The following LOXHD1 variants were observed in gnomAD, a reference collection of about 807,000 sequenced individuals.
LOXHD1 encodes the protein lipoxygenase homology domain-containing protein 1.
In LOXHD1, 205 loss-of-function variants were observed where a neutral mutation model predicts 248.2. That is an observed-to-expected ratio of 0.83 (90% CI 0.74 to 0.93). LOXHD1 has a LOEUF of 0.93. Ranked by LOEUF, LOXHD1 falls within the 40% of genes least tolerant of loss-of-function variation. The pLI, the probability that LOXHD1 is intolerant of heterozygous loss-of-function variation, is 0.00. For synonymous variants in LOXHD1, 1,113 were observed against 1,162.8 expected (o/e 0.96, Z 0.87); for missense variants, 2,930 against 2,971.6 (o/e 0.99, Z 0.33).
rs909780241 is a variant in LOXHD1, at chr18:46,640,321, C to A, written c.327-521G>T. On this transcript the variant is annotated intron_variant, in intron 3 of 40. Coordinates refer to ENST00000642948, the MANE Select transcript of LOXHD1 (RefSeq NM_001384474.1). ...ACACAGCTTATACCCTGGGGCTCAACCGCCTCTCCCATTGCTGTGAGATGA... is the reference window on the plus strand; with the variant it reads ...ACACAGCTTATACCCTGGGGCTCAAACGCCTCTCCCATTGCTGTGAGATGA... 2.0e-5 allele frequency among the ~76,000 whole-genome samples: 3 copies of A among 152,282 alleles called. No homozygotes were observed. The East Asian group carries it at 5.8e-4, about 29-fold the overall frequency.
At chr18:46,509,968 T>C (rs2034858162) in intron 34 of LOXHD1, among the ~76,000 whole-genome samples, 153 bp from the exon 35 acceptor site, 1 of 152,168 alleles carries the variant, frequency 6.6e-6, no homozygotes, top group South Asian at 2.1e-4. Context: ...CCAGCCCATC[T>C]CTTGCATCCC....
chr18:46,549,245 T>C (rs2036980564), intron 21 of LOXHD1, among the ~76,000 whole-genome samples: 1 of 152,158 alleles, frequency 6.6e-6, no homozygotes, highest in African/African-American at 2.4e-5. Context: ...ACAAGGATGA[T>C]GGAAGGAAAG....
chr18:46,559,307 G>T, intron 20 of LOXHD1, 141 bp downstream of exon 20: 1 of 1,545,192 alleles, frequency 6.5e-7, no homozygotes, highest in East Asian at 2.5e-5. Flanking sequence ...TTACTGAAGA[G>T]GTACTGCCAT....
chr18:46,483,681 CCA>C lies in LOXHD1; in HGVS notation c.6245_6246del (p.Val2082GlyfsTer36). On this transcript the variant is annotated frameshift_variant, in exon 40 of 41. Transcript: ENST00000642948. LOFTEE classifies it high-confidence loss of function. ...IYLGDIASLC[V>X]GHLAREDRFI... ...AACCGGTCTTCCCTGGCAAGGTGGC[CCA>C]CACAGAGGGAGGCAATGTCCCCCAA... 6.4e-7 allele frequency: 1 copy of C among 1,551,678 alleles called. No individual in the cohort carries two copies. The highest frequency in any genetic ancestry group is 1.2e-5 in the South Asian group (1 of 84,046).
At chr18:46,498,643 T>C (rs113378047) in intron 37 of LOXHD1, among the ~76,000 whole-genome samples, 132 of 152,338 alleles carry the variant, frequency 8.7e-4, no homozygotes, top group African/African-American at 3.2e-3. Flanking sequence ...TACCTCCATC[T>C]TCACATGCTC....
At chr18:46,634,543 T>C (rs1199076404) in intron 4 of LOXHD1, among the ~76,000 whole-genome samples, 6 of 152,218 alleles carry the variant, frequency 3.9e-5, no homozygotes, top group Non-Finnish European at 8.8e-5. Flanking sequence ...GATAAAATTA[T>C]CTTTGGGCTA....
chr18:46,579,570 G>A, intron 13 of LOXHD1, 60 bp downstream of exon 13: 1 of 1,548,054 alleles, frequency 6.5e-7, no homozygotes, highest in South Asian at 1.2e-5. Context: ...GGGAAGACGA[G>A]GGAACATGGG....
At chr18:46,545,532 C>G (rs549308522) in intron 22 of LOXHD1, 111 bp from the exon 23 acceptor site, 5 of 747,288 alleles carry the variant, frequency 6.7e-6, no homozygotes, top group Non-Finnish European at 1.2e-5. Flanking sequence ...CTCCCTCTAC[C>G]CCATCACTCC....
chr18:46,520,123 G>A (rs779604638), intron 33 of LOXHD1, among the ~76,000 whole-genome samples: 1 of 152,176 alleles, frequency 6.6e-6, no homozygotes, highest in African/African-American at 2.4e-5. Flanking sequence ...GATGTCTGGG[G>A]GGTAGGGGAA....
intron 28 of LOXHD1, among the ~76,000 whole-genome samples, chr18:46,530,803 G>A (rs947836900): frequency 3.9e-5 from 6 of 152,002 alleles, no homozygotes; most frequent in Non-Finnish European, 8.8e-5. Context: ...CTTCTGTGTG[G>A]CTGGACACTC....
Position 46,533,339 on chromosome 18 carries a change from A to G in LOXHD1, c.4213-15T>C, listed in dbSNP as rs1252448542. 9 of 1,550,932 alleles carry G rather than the reference A, an allele frequency of 5.8e-6. No homozygotes were observed. The highest frequency in any genetic ancestry group is 1.2e-5 in the South Asian group (1 of 83,984). Reference sequence around the variant, plus strand: ...GTCTCTGCACCCTGGGGTGAGGCAGAAAAAGGAAAATTAGCCCTTAATGTG... The same window carrying G: ...GTCTCTGCACCCTGGGGTGAGGCAGGAAAAGGAAAATTAGCCCTTAATGTG... On this transcript the variant is annotated splice_polypyrimidine_tract_variant and intron_variant, in intron 27 of 40. Transcript: ENST00000642948.
At chr18:46,582,514 A>T (rs2037982721) in intron 12 of LOXHD1, among the ~76,000 whole-genome samples, 1 of 152,270 alleles carries the variant, frequency 6.6e-6, no homozygotes, top group Non-Finnish European at 1.5e-5. Flanking sequence ...TGTATAAGAC[A>T]TATAAGTAGT....
In LOXHD1 at chr18:46,545,426, C is replaced by T. The variant is rs564553172; in HGVS notation, c.3515-5G>A. On this transcript the variant is annotated splice_region_variant and splice_polypyrimidine_tract_variant and intron_variant, in intron 22 of 40. Coordinates refer to ENST00000642948, the MANE Select transcript of LOXHD1 (RefSeq NM_001384474.1). ...CTGAGAATGTGGTAGATTTATCTGC[C>T]AAGAGAATAGTATAGAGCAATGAAT... 2 of 1,543,762 alleles carry T rather than the reference C, an allele frequency of 1.3e-6. 1 individual carries two copies. Among genetic ancestry groups the T allele is most frequent in the East Asian group, 4.9e-5 (2 of 40,834 alleles).
At chr18:46,629,629 T>C (rs2038792866) in intron 4 of LOXHD1, among the ~76,000 whole-genome samples, 1 of 151,956 alleles carries the variant, frequency 6.6e-6, no homozygotes, top group African/African-American at 2.4e-5. Context: ...ATAATCATTG[T>C]GTGGCACTGC....
In LOXHD1 at chr18:46,505,828, TG is replaced by T; in HGVS notation, c.5878+9del. On this transcript the variant is annotated intron_variant, in intron 37 of 40. Transcript: ENST00000642948. ...GCCCTCCCACCAACCTGGCCTTGAG[TG>T]GGAGCTACCTTTGTTGTCGTGCCAG... is the stretch of plus-strand genomic sequence containing the variant. 6.4e-7 allele frequency: 1 copy of T among 1,551,456 alleles called. No individual in the cohort carries two copies. The highest frequency in any genetic ancestry group is 8.7e-7 in the Non-Finnish European group (1 of 1,146,878).
chr18:46,484,360 G>A (rs2032858392), intron 39 of LOXHD1, among the ~76,000 whole-genome samples: 1 of 152,120 alleles, frequency 6.6e-6, no homozygotes, highest in South Asian at 2.1e-4. Flanking sequence ...TCTTTGAGAG[G>A]TGATGGGGTC....
intron 4 of LOXHD1, among the ~76,000 whole-genome samples, chr18:46,629,256 C>A (rs1420042216): frequency 2.0e-5 from 3 of 152,132 alleles, no homozygotes; most frequent in Non-Finnish European, 4.4e-5. Flanking sequence ...AAAGCCAGAA[C>A]CAGAACTCAG....
rs536362669 is a variant in LOXHD1, at chr18:46,570,691, G to A, written c.2048-1053C>T. Among the ~76,000 whole-genome samples the A allele has an allele frequency of 2.0e-5, 3 of 152,316 alleles. No individual in the cohort carries two copies. The South Asian group carries it at 6.2e-4, about 32-fold the overall frequency. ...GTTTCCCTGGGCCACACTGGAAGAA[G>A]AAGAATTGTCTTGGGCCACACAAAA... On this transcript the variant is annotated intron_variant, in intron 15 of 40. Coordinates refer to ENST00000642948, the MANE Select transcript of LOXHD1 (RefSeq NM_001384474.1).
chr18:46,490,782 A>G (rs1425499123), intron 37 of LOXHD1, among the ~76,000 whole-genome samples: 1 of 152,194 alleles, frequency 6.6e-6, no homozygotes, highest in African/African-American at 2.4e-5. Context: ...GCGGTAAGTT[A>G]TTTTAACAAT....
Sources: allele counts gnomAD v4.1 joint callset (sites outside exome capture counted in the v4.1 genomes callset), GRCh38; gene constraint gnomAD v4.1.1; transcripts MANE v1.5; gene names NCBI Gene and HGNC (gene_info 2026-07-23, HGNC 2026-07-21).